Variants in MTSS1 observed in about 807,000 individuals in gnomAD.
MTSS1 encodes the protein protein MTSS 1.
MTSS1 carries 18 observed loss-of-function variants against 79.0 expected under a neutral mutation model. That is an observed-to-expected ratio of 0.23 (90% confidence interval 0.16 to 0.34). The LOEUF (loss-of-function observed/expected upper bound fraction) is 0.34, where lower values mean the gene tolerates loss of function less well. Among genes scored for constraint, MTSS1 ranks in the 10% least tolerant of loss-of-function variants. The probability of loss-of-function intolerance (pLI) is 1.00; values close to 1 mark genes in which losing one functional copy is unlikely to be tolerated. For synonymous variants in MTSS1, 341 were observed against 368.6 expected (o/e 0.93, Z 0.86); for missense variants, 815 against 986.2 (o/e 0.83, Z 2.33).
chr8:124,696,926 C>T (rs1463985838), intron 3 of MTSS1, among the ~76,000 whole-genome samples: 1 of 151,922 alleles, frequency 6.6e-6, no homozygotes, highest in African/African-American at 2.4e-5. Context: ...TGGTGAAATA[C>T]ATCACCTCCA....
chr8:124,705,711 T>C (rs754726240), intron 1 of MTSS1, among the ~76,000 whole-genome samples: 6 of 152,148 alleles, frequency 3.9e-5, no homozygotes, highest in Non-Finnish European at 5.9e-5. Context: ...AGCTAAAACA[T>C]TAACAGTTTT....
Position 124,582,703 on chromosome 8 carries a change from G to A in MTSS1, c.460+2384C>T, listed in dbSNP as rs1006682256. 1.3e-5 allele frequency among the ~76,000 whole-genome samples: 2 copies of A among 152,168 alleles called. No individual in the cohort carries two copies. Among genetic ancestry groups the A allele is most frequent in the African/African-American group, 2.4e-5 (1 of 41,438 alleles). ...GGAACTGCTAACACTTTTACAAACC[G>A]AGGGTCCGGGAATCTGCCACTTGAA... is the stretch of plus-strand genomic sequence containing the variant. On this transcript the variant is annotated intron_variant, in intron 6 of 13. Transcript: ENST00000518547. The surrounding 1 kb of genome is among the most constrained non-coding windows in gnomAD (Gnocchi z 4.8).
At chr8:124,684,108 CT>C (rs150784062) in intron 3 of MTSS1, among the ~76,000 whole-genome samples, 2,603 of 152,182 alleles carry the variant, frequency 0.017, 75 homozygotes, top group African/African-American at 0.059. Context: ...TTCTTTATTT[CT>C]TTTTTTCTAG....
chr8:124,616,367 G>C (rs796747241), intron 3 of MTSS1, among the ~76,000 whole-genome samples: 4 of 86,452 alleles, frequency 4.6e-5, no homozygotes, highest in African/African-American at 2.4e-4. Flanking sequence ...CCTGTTTCAG[G>C]CAGTAAAAAA....
chr8:124,617,286 C>T (rs917843026), intron 3 of MTSS1, among the ~76,000 whole-genome samples: 13 of 152,200 alleles, frequency 8.5e-5, no homozygotes, highest in Non-Finnish European at 1.9e-4. Context: ...TCACCACTTG[C>T]TTCCATTTCT....
At position 124,556,223 on chromosome 8, in the gene MTSS1, G is replaced by C; in HGVS notation, c.1404+9C>G. 3 of 1,614,206 alleles carry C rather than the reference G, an allele frequency of 1.9e-6. No homozygotes were observed. The highest frequency in any genetic ancestry group is 2.5e-6 in the Non-Finnish European group (3 of 1,180,022). Reference sequence around the variant, plus strand: ...GGCCCCAACCAGCTACTGAGAACAAGAGCATCACCCTGGTGGCAGCCGATA... The same window carrying C: ...GGCCCCAACCAGCTACTGAGAACAACAGCATCACCCTGGTGGCAGCCGATA... On this transcript the variant is annotated intron_variant, in intron 12 of 13. Coordinates refer to ENST00000518547, the MANE Select transcript of MTSS1 (RefSeq NM_014751.6).
chr8:124,553,773 A>C lies in MTSS1; in HGVS notation c.1568-81T>G. On this transcript the variant is annotated intron_variant, in intron 13 of 13. Transcript: ENST00000518547. The surrounding 1 kb of genome is among the most constrained non-coding windows in gnomAD (Gnocchi z 6.0). ...CTTCTGGGCTGGGAGGACAAAAGGCACGCAAGGCAGGGTACACACACAGTC... is the reference window on the plus strand; with the variant it reads ...CTTCTGGGCTGGGAGGACAAAAGGCCCGCAAGGCAGGGTACACACACAGTC... 7.9e-7 allele frequency: 1 copy of C among 1,273,758 alleles called. No homozygotes were observed. Among genetic ancestry groups the C allele is most frequent in the Non-Finnish European group, 1.1e-6 (1 of 920,934 alleles). The allele number at this position is 1,273,758 out of a possible 1,614,324, so 78.9% of individuals were successfully genotyped here.
intron 3 of MTSS1, among the ~76,000 whole-genome samples, chr8:124,614,666 C>A (rs1587297375): frequency 6.6e-6 from 1 of 152,190 alleles, no homozygotes; most frequent in Non-Finnish European, 1.5e-5. Flanking sequence ...CCATTATATA[C>A]CCGCATCAGA....
chr8:124,564,755 G>A (rs1353816998), intron 9 of MTSS1: 1 of 134,754 alleles, frequency 7.4e-6, no homozygotes, highest in East Asian at 2.2e-4. Context: ...AATATCTTCA[G>A]GGGGCAGAAT....
intron 1 of MTSS1, among the ~76,000 whole-genome samples, chr8:124,716,120 G>A (rs12547678): frequency 0.14 from 21,912 of 152,186 alleles, 1,969 homozygotes; most frequent in South Asian, 0.24. Context: ...GTTGAGGAAC[G>A]CAGTCTAGCA....
intron 2 of MTSS1, among the ~76,000 whole-genome samples, chr8:124,699,855 C>A (rs577826248): frequency 6.6e-6 from 1 of 152,244 alleles, no homozygotes; most frequent in East Asian, 1.9e-4. Flanking sequence ...CTGTATAAAA[C>A]CATTACCAGG....
chr8:124,721,953 C>CT (rs985975958), intron 1 of MTSS1, among the ~76,000 whole-genome samples: 1 of 152,180 alleles, frequency 6.6e-6, no homozygotes, highest in African/African-American at 2.4e-5. Context: ...TCCCACGGCC[C>CT]TTGGAGCCCC....
At chr8:124,576,239 C>T (rs1190489715) in intron 6 of MTSS1, among the ~76,000 whole-genome samples, 1 of 152,158 alleles carries the variant, frequency 6.6e-6, no homozygotes. Flanking sequence ...CTGTGTTCTG[C>T]AAGTCCTTCT....
chr8:124,685,181 C>G (rs1009513378), intron 3 of MTSS1, among the ~76,000 whole-genome samples: 3 of 152,192 alleles, frequency 2.0e-5, no homozygotes, highest in Non-Finnish European at 4.4e-5. Flanking sequence ...TTTCATCATC[C>G]CGGTACGGGG....
At position 124,551,615 on chromosome 8, in the gene MTSS1, C is replaced by T. The variant is rs777866873; in HGVS notation, c.*1377G>A. 1 of 152,550 alleles carries T rather than the reference C, an allele frequency of 6.6e-6. No homozygotes were observed. Among genetic ancestry groups the T allele is most frequent in the Non-Finnish European group, 1.5e-5 (1 of 68,034 alleles). 9.4% of individuals were successfully genotyped at this position (152,550 alleles called of 1,614,324 possible). A position where few individuals can be genotyped will look rare whatever the true frequency, so the allele number is the denominator to read the frequency against. On this transcript the variant is annotated 3_prime_UTR_variant, in exon 14 of 14. Coordinates refer to ENST00000518547, the MANE Select transcript of MTSS1 (RefSeq NM_014751.6). ...CTGTTATGACCTGACTGCTAAGGGA[C>T]TTGCTTGCTTTCTTAAACACTATTG...
chr8:124,617,103 T>C (rs1047019750), intron 3 of MTSS1, among the ~76,000 whole-genome samples: 2 of 152,184 alleles, frequency 1.3e-5, no homozygotes, highest in Non-Finnish European at 2.9e-5. Flanking sequence ...ACGAGGGCAG[T>C]GTCTACCGCT....
At chr8:124,627,963 T>TA (rs1815065491) in intron 3 of MTSS1, among the ~76,000 whole-genome samples, 1 of 152,100 alleles carries the variant, frequency 6.6e-6, no homozygotes, top group Non-Finnish European at 1.5e-5. Context: ...GGTCAGGAGT[T>TA]AGAGACCAGC....
chr8:124,643,812 G>A (rs1454035137), intron 3 of MTSS1, among the ~76,000 whole-genome samples: 1 of 151,322 alleles, frequency 6.6e-6, no homozygotes, highest in Non-Finnish European at 1.5e-5. Context: ...AATATTAGGA[G>A]AAAAGTACAA....
At chr8:124,695,169 A>G (rs1828586518) in intron 3 of MTSS1, among the ~76,000 whole-genome samples, 1 of 152,206 alleles carries the variant, frequency 6.6e-6, no homozygotes, top group Non-Finnish European at 1.5e-5. Flanking sequence ...AAGATTTCCT[A>G]TAAAGGACAA....
Sources: gnomAD v4.1 joint callset for allele counts (sites outside exome capture counted in the v4.1 genomes callset) on GRCh38, gnomAD v4.1.1 for gene constraint, Gnocchi (gnomAD v3.1) non-coding constraint, MANE v1.5 for transcripts, NCBI Gene and HGNC (gene_info 2026-07-23, HGNC 2026-07-21) for gene names.